Variants in KANSL1 observed in about 807,000 individuals in gnomAD.
KANSL1 encodes MLL1/MLL complex subunit KANSL1.
Under a neutral mutation model 103.6 loss-of-function variants are expected in KANSL1, and 22 were observed. The ratio of observed to expected loss-of-function variants is 0.21; its 90% CI spans 0.15 to 0.30. The LOEUF (loss-of-function observed/expected upper bound fraction) is 0.30. Among genes scored for constraint, KANSL1 ranks in the 10% least tolerant of loss-of-function variants. The pLI is 1.00. For synonymous variants in KANSL1, 600 were observed against 527.6 expected (o/e 1.14, Z -1.88); for missense variants, 1,337 against 1,399.8 (o/e 0.96, Z 0.72).
chr17:46,153,276 T>C (rs1439356604), intron 2 of KANSL1, among the ~76,000 whole-genome samples: 2 of 152,234 alleles, frequency 1.3e-5, no homozygotes, highest in Non-Finnish European at 2.9e-5. Flanking sequence ...ATAAAACTAT[T>C]AGAGCTGGAA....
At chr17:46,158,363 C>CTT (rs67455357) in intron 2 of KANSL1, among the ~76,000 whole-genome samples, 68 of 138,682 alleles carry the variant, frequency 4.9e-4, no homozygotes, top group Non-Finnish European at 6.4e-4. Context: ...CCATTAGAGA[C>CTT]TTTTTTTTTT....
intron 10 of KANSL1, chr17:46,034,681 T>C (rs1464914719): frequency 1.5e-5 from 3 of 202,804 alleles, no homozygotes; most frequent in South Asian, 8.5e-5. Context: ...AGACTCATAG[T>C]GGCCCCTCCC....
intron 1 of KANSL1, chr17:46,192,479 T>C (rs566892369): frequency 6.5e-6 from 1 of 152,814 alleles, no homozygotes; most frequent in Admixed American, 6.5e-5. Flanking sequence ...TCAAGAGAAG[T>C]TCAAGGCGAG....
At chr17:46,118,885 T>C (rs1162930776) in intron 2 of KANSL1, among the ~76,000 whole-genome samples, 1 of 152,244 alleles carries the variant, frequency 6.6e-6, no homozygotes, top group Non-Finnish European at 1.5e-5. Context: ...AAATTTTCTA[T>C]TCTACATTCT....
At position 46,181,147 on chromosome 17, in the gene KANSL1, G is replaced by C. The variant is rs1256548526; in HGVS notation, c.-89-8915C>G. Among the ~76,000 whole-genome samples the C allele has an allele frequency of 2.0e-5, 3 of 152,156 alleles. No homozygotes were observed. The East Asian group carries it at 5.8e-4, about 29-fold the overall frequency. On this transcript the variant is annotated intron_variant, in intron 1 of 14. Coordinates refer to ENST00000432791, the MANE Select transcript of KANSL1 (RefSeq NM_015443.4). Reference sequence around the variant, plus strand: ...TGTGAAGGGGCCAGTCTAACAAAAAGGCCAAATATATGACAAACAAAAACA... The same window carrying C: ...TGTGAAGGGGCCAGTCTAACAAAAACGCCAAATATATGACAAACAAAAACA...
intron 2 of KANSL1, among the ~76,000 whole-genome samples, chr17:46,155,155 A>ATTTTTT (rs33974360): frequency 6.3e-4 from 65 of 103,780 alleles, no homozygotes; most frequent in Middle Eastern, 5.2e-3. Context: ...TCAGCCAGGG[A>ATTTTTT]TTTTTTTTTT....
chr17:46,120,220 T>C (rs1466900882), intron 2 of KANSL1, among the ~76,000 whole-genome samples: 2 of 152,190 alleles, frequency 1.3e-5, no homozygotes, highest in Non-Finnish European at 2.9e-5. Flanking sequence ...AAAAGAATCT[T>C]AAACTGTTGA....
At chr17:46,186,018 C>T (rs1248935067) in intron 1 of KANSL1, among the ~76,000 whole-genome samples, 1 of 151,888 alleles carries the variant, frequency 6.6e-6, no homozygotes, top group Admixed American at 6.6e-5. Context: ...TCCAACAAGC[C>T]CTAATGGTTG....
chr17:46,100,648 T>C (rs1444579587), intron 2 of KANSL1, among the ~76,000 whole-genome samples: 12 of 152,324 alleles, frequency 7.9e-5, no homozygotes, highest in African/African-American at 7.2e-5. Context: ...ATTAGATAAG[T>C]AGCACCAAAA....
chr17:46,174,528 C>T (rs563468790), intron 1 of KANSL1, among the ~76,000 whole-genome samples: 5 of 152,228 alleles, frequency 3.3e-5, no homozygotes, highest in East Asian at 3.9e-4. Flanking sequence ...AGACTTGTGA[C>T]GATATTAATG....
intron 14 of KANSL1, 138 bp from the exon 15 acceptor site, chr17:46,031,841 C>T: frequency 9.6e-7 from 1 of 1,036,404 alleles, no homozygotes; most frequent in South Asian, 1.6e-5. Flanking sequence ...GGGAACACCC[C>T]TCCTAGGGTA....
intron 2 of KANSL1, among the ~76,000 whole-genome samples, chr17:46,149,153 C>A (rs1351205484): frequency 2.0e-5 from 3 of 152,170 alleles, no homozygotes; most frequent in African/African-American, 7.2e-5. Flanking sequence ...CAGGCGCCCA[C>A]CACTGCGCCC....
At chr17:46,156,558 T>C (rs2045439184) in intron 2 of KANSL1, among the ~76,000 whole-genome samples, 1 of 152,260 alleles carries the variant, frequency 6.6e-6, no homozygotes, top group Non-Finnish European at 1.5e-5. Context: ...GTACCATGTA[T>C]CTAATACTTA....
intron 2 of KANSL1, among the ~76,000 whole-genome samples, chr17:46,147,490 C>T (rs1333986669): frequency 6.7e-6 from 1 of 148,800 alleles, no homozygotes; most frequent in Non-Finnish European, 1.5e-5. Flanking sequence ...AGAAGAATTG[C>T]TTGAGACTAG....
At chr17:46,114,578 T>TA (rs1334983935) in intron 2 of KANSL1, among the ~76,000 whole-genome samples, 1 of 152,218 alleles carries the variant, frequency 6.6e-6, no homozygotes, top group African/African-American at 2.4e-5. Flanking sequence ...CCAGTTTAGT[T>TA]AAGACCACAT....
chr17:46,194,552 A>G (rs980288247), upstream of KANSL1, among the ~76,000 whole-genome samples: 2 of 152,268 alleles, frequency 1.3e-5, no homozygotes, highest in African/African-American at 2.4e-5. Flanking sequence ...CACAAAGTGT[A>G]ATTCTACCAC....
At chr17:46,074,377 AG>A (rs2078683020) in intron 4 of KANSL1, among the ~76,000 whole-genome samples, 1 of 152,130 alleles carries the variant, frequency 6.6e-6, no homozygotes, top group Non-Finnish European at 1.5e-5. Flanking sequence ...TAAATAAATG[AG>A]GGGGGAAGAC....
chr17:46,147,760 G>GTT (rs1356164236), intron 2 of KANSL1, among the ~76,000 whole-genome samples: 1 of 152,170 alleles, frequency 6.6e-6, no homozygotes, highest in Non-Finnish European at 1.5e-5. Context: ...AAATTCAGGT[G>GTT]TTCTCCACAT....
intron 6 of KANSL1, among the ~76,000 whole-genome samples, chr17:46,064,898 A>G (rs2078318582): frequency 6.6e-6 from 1 of 151,730 alleles, no homozygotes; most frequent in African/African-American, 2.4e-5. Context: ...TATTATTATT[A>G]TACTTTAAGT....
Sources: gnomAD v4.1 joint callset for allele counts (sites outside exome capture counted in the v4.1 genomes callset) on GRCh38, gnomAD v4.1.1 for gene constraint, MANE v1.5 for transcripts, NCBI Gene and HGNC (gene_info 2026-07-23, HGNC 2026-07-21) for gene names.